Variants in SLC4A7 observed in about 807,000 individuals in gnomAD.
SLC4A7 encodes the protein sodium bicarbonate cotransporter 3.
SLC4A7 carries 51 observed loss-of-function variants against 137.6 expected under a neutral mutation model. That is an observed-to-expected ratio of 0.37 (90% CI 0.30 to 0.47). The LOEUF (loss-of-function observed/expected upper bound fraction) is 0.47. Among genes scored for constraint, SLC4A7 ranks in the 20% least tolerant of loss-of-function variants. The pLI, the probability that SLC4A7 is intolerant of heterozygous loss-of-function variation, is 1.00. For missense variants in SLC4A7, 1,247 were observed against 1,525.4 expected, an observed-to-expected ratio of 0.82 and a Z score of 3.04; for synonymous variants, 542 against 518.6, an observed-to-expected ratio of 1.05 and a Z score of -0.61.
At chr3:27,440,684 T>C (rs1375811462) in intron 3 of SLC4A7, among the ~76,000 whole-genome samples, 1 of 151,318 alleles carries the variant, frequency 6.6e-6, no homozygotes, top group East Asian at 1.9e-4. Context: ...GCCAAGATCA[T>C]GCCACTATAC....
At chr3:27,460,790 G>A (rs750512396) in intron 1 of SLC4A7, among the ~76,000 whole-genome samples, 4 of 152,062 alleles carry the variant, frequency 2.6e-5, no homozygotes, top group Non-Finnish European at 5.9e-5. Context: ...CAGGTACTGC[G>A]CCATGGCCTT....
At chr3:27,409,272 A>C (rs1234451534) in intron 13 of SLC4A7, 84 bp downstream of exon 13, 1 of 1,084,504 alleles carries the variant, frequency 9.2e-7, no homozygotes, top group African/African-American at 1.6e-5. Flanking sequence ...TCTTCAAATA[A>C]AAGTATGAAT....
chr3:27,438,150 T>C (rs2056890451), intron 3 of SLC4A7, among the ~76,000 whole-genome samples: 2 of 150,744 alleles, frequency 1.3e-5, no homozygotes, highest in South Asian at 2.1e-4. Context: ...TGAGCTGAGA[T>C]TGTGCCACTG....
chr3:27,406,670 T>C (rs1233834250), intron 13 of SLC4A7, among the ~76,000 whole-genome samples: 1 of 152,180 alleles, frequency 6.6e-6, no homozygotes. Flanking sequence ...GGCTCACGCC[T>C]ATAACACAAG....
chr3:27,408,093 T>C (rs1393423518), intron 13 of SLC4A7, among the ~76,000 whole-genome samples: 1 of 152,262 alleles, frequency 6.6e-6, no homozygotes, highest in Non-Finnish European at 1.5e-5. Flanking sequence ...GGCAAAGCAC[T>C]ATGTATATAC....
chr3:27,432,434 CCAA>C (rs1398099373), intron 6 of SLC4A7, among the ~76,000 whole-genome samples: 1 of 152,112 alleles, frequency 6.6e-6, no homozygotes, highest in Non-Finnish European at 1.5e-5. Flanking sequence ...GTACTTCTCA[CCAA>C]CAACAGCAAT....
Position 27,389,907 on chromosome 3 carries a change from A to G in SLC4A7, c.3360+24T>C, listed in dbSNP as rs1297324494. 8 of 1,581,156 alleles carry G rather than the reference A, an allele frequency of 5.1e-6. No homozygotes were observed. The East Asian group carries it at 1.8e-4, about 36-fold the overall frequency. On this transcript the variant is annotated intron_variant, in intron 22 of 25. Transcript: ENST00000454389. ...TGTAAACATATTATTAATTAGTGAC[A>G]AAATAAGTCTGAAGAAATCTTACCA... is the stretch of plus-strand genomic sequence containing the variant.
intron 3 of SLC4A7, among the ~76,000 whole-genome samples, chr3:27,442,362 A>G (rs1187379942): frequency 1.3e-5 from 2 of 152,146 alleles, no homozygotes; most frequent in Non-Finnish European, 2.9e-5. Context: ...TGTAATAAAC[A>G]ACTCCCAAAT....
In SLC4A7 at chr3:27,472,173, A is replaced by T. The variant is rs536220203; in HGVS notation, c.60+11894T>A. ...TAATCCAGTCAATACTCATTTATTG[A>T]CCTTTTAAGCCATTTATTGCTAAAC... On this transcript the variant is annotated intron_variant, in intron 1 of 25. Coordinates refer to ENST00000454389, the MANE Select transcript of SLC4A7 (RefSeq NM_001321103.2). Among the ~76,000 whole-genome samples the T allele has an allele frequency of 1.4e-3, 206 of 152,342 alleles. 1 individual carries two copies. In the Middle Eastern group the frequency reaches 0.027, roughly 20 times the overall value.
At chr3:27,483,922 AGGCGC>A in intron 1 of SLC4A7, 140 bp downstream of exon 1, 1 of 363,126 alleles carries the variant, frequency 2.8e-6, no homozygotes, top group Non-Finnish European at 4.0e-6. Flanking sequence ...GGGGATGGCG[AGGCGC>A]GCCGGCCGCC....
Position 27,429,337 on chromosome 3 carries a change from C to G in SLC4A7, c.1150+1961G>C, listed in dbSNP as rs575736372. Among the ~76,000 whole-genome samples the G allele has an allele frequency of 9.5e-5, 14 of 147,338 alleles. No homozygotes were observed. In the East Asian group the frequency reaches 2.7e-3, roughly 29 times the overall value. ...TAATTTTTTGCTAATTTTGCACATA[C>G]AATTTTTTTTTCCCTAACTACAGGA... On this transcript the variant is annotated intron_variant, in intron 7 of 25. Transcript: ENST00000454389.
At chr3:27,450,024 A>G (rs865972816) in intron 2 of SLC4A7, among the ~76,000 whole-genome samples, 6 of 152,262 alleles carry the variant, frequency 3.9e-5, no homozygotes, top group Middle Eastern at 6.8e-3. Flanking sequence ...ATTTCATGCC[A>G]TTTTTCGGAC....
intron 2 of SLC4A7, among the ~76,000 whole-genome samples, chr3:27,451,033 C>T (rs903505752): frequency 2.0e-5 from 3 of 151,772 alleles, no homozygotes; most frequent in African/African-American, 7.3e-5. Flanking sequence ...AAATTTTAAC[C>T]TCCCTAGCTC....
At chr3:27,423,926 C>G (rs1343162910) in intron 8 of SLC4A7, 111 bp downstream of exon 8, 3 of 644,494 alleles carry the variant, frequency 4.7e-6, no homozygotes, top group African/African-American at 3.7e-5. Flanking sequence ...TTTGTAAGCA[C>G]CAGTCTACTA....
chr3:27,466,819 T>C (rs1016831715), intron 1 of SLC4A7, among the ~76,000 whole-genome samples: 1 of 152,114 alleles, frequency 6.6e-6, no homozygotes. Context: ...ATTGCGCCAC[T>C]GCACTCCAGC....
intron 3 of SLC4A7, among the ~76,000 whole-genome samples, chr3:27,440,617 A>G (rs1000310668): frequency 6.6e-6 from 1 of 152,012 alleles, no homozygotes; most frequent in Admixed American, 6.6e-5. Context: ...AATCCCAGCT[A>G]CTCAGGAGGC....
At position 27,398,370 on chromosome 3, in the gene SLC4A7, A is replaced by G; in HGVS notation, c.2428-17T>C. On this transcript the variant is annotated splice_polypyrimidine_tract_variant and intron_variant, in intron 16 of 25. Coordinates refer to ENST00000454389, the MANE Select transcript of SLC4A7 (RefSeq NM_001321103.2). ...TTTACATTCCTGGAAAAAAGGAGAA[A>G]GAAAAAGCAGAATGGGGGATTCTTA... 6.3e-7 allele frequency: 1 copy of G among 1,583,168 alleles called. No individual in the cohort carries two copies. Among genetic ancestry groups the G allele is most frequent in the South Asian group, 1.2e-5 (1 of 84,994 alleles).
intron 3 of SLC4A7, among the ~76,000 whole-genome samples, chr3:27,446,140 A>ATG (rs927459686): frequency 2.0e-5 from 3 of 150,422 alleles, no homozygotes; most frequent in African/African-American, 7.3e-5. Context: ...ATATATATAT[A>ATG]AAAATCATAC....
intron 1 of SLC4A7, among the ~76,000 whole-genome samples, chr3:27,465,289 CAAAAAAAAA>C (rs11329798): frequency 3.2e-4 from 27 of 84,688 alleles, no homozygotes; most frequent in Admixed American, 1.2e-3. Context: ...GACTCCGTCT[CAAAAAAAAA>C]AAAAAAAAAA....
Sources: gnomAD v4.1 joint callset for allele counts (sites outside exome capture counted in the v4.1 genomes callset) on GRCh38, gnomAD v4.1.1 for gene constraint, MANE v1.5 for transcripts, NCBI Gene and HGNC (gene_info 2026-07-23, HGNC 2026-07-21) for gene names.